MTUS2: variants seen among roughly 807,000 people sequenced by gnomAD.
MTUS2 encodes microtubule associated scaffold protein 2.
A neutral mutation model predicts 114.1 loss-of-function variants in MTUS2; 40 were observed. The ratio of observed to expected loss-of-function variants is 0.35; its 90% CI spans 0.27 to 0.46. The LOEUF (loss-of-function observed/expected upper bound fraction) is 0.46. MTUS2 is among the 20% of genes least tolerant of loss of function. The pLI is 1.00. For missense variants in MTUS2, 1,679 were observed against 1,705.4 expected (o/e 0.98, Z 0.27); for synonymous variants, 688 against 672.0 (o/e 1.02, Z -0.37).
intron 8 of MTUS2, among the ~76,000 whole-genome samples, chr13:29,359,804 G>A (rs1176166199): frequency 6.6e-6 from 1 of 152,176 alleles, no homozygotes; most frequent in Non-Finnish European, 1.5e-5. Context: ...GTGGTAGTTT[G>A]CATTTTCGAG....
intron 8 of MTUS2, among the ~76,000 whole-genome samples, chr13:29,423,473 G>T (rs9579372): frequency 0.39 from 59,411 of 152,070 alleles, 12,169 homozygotes; most frequent in African/African-American, 0.5. Context: ...GAAGGTAGAC[G>T]AGTGAGTTGT....
rs141823378 is a variant in MTUS2, at chr13:29,214,383, T to C, written c.2645-67321T>C. On this transcript the variant is annotated intron_variant, in intron 5 of 15. Transcript: ENST00000612955. ...CATTTGCAGTTAATTTTGTTATGTGTGAATTAATCCTGTCATCATGATGCT... is the reference window on the plus strand; with the variant it reads ...CATTTGCAGTTAATTTTGTTATGTGCGAATTAATCCTGTCATCATGATGCT... 1.8e-3 allele frequency among the ~76,000 whole-genome samples: 272 copies of C among 152,360 alleles called. 1 individual carries two copies. Among genetic ancestry groups the C allele is most frequent in the African/African-American group, 6.3e-3 (262 of 41,588 alleles).
chr13:29,287,060 C>A (rs372226369), intron 6 of MTUS2, among the ~76,000 whole-genome samples: 1 of 152,204 alleles, frequency 6.6e-6, no homozygotes, highest in Non-Finnish European at 1.5e-5. Context: ...ATTTGGTTCT[C>A]ACAAAGACCC....
intron 9 of MTUS2, among the ~76,000 whole-genome samples, chr13:29,459,483 C>T (rs540092279): frequency 8.5e-5 from 13 of 152,220 alleles, no homozygotes; most frequent in African/African-American, 3.1e-4. Context: ...CTAGTCCTTA[C>T]CCCTACCCTT....
Position 29,025,637 on chromosome 13 carries a change from A to G in MTUS2, c.939A>G (p.Lys313=). The change falls in exon 3 of 16, where the codon AAA becomes AAG. Residue 313 remains lysine (K), a synonymous_variant. Transcript: ENST00000612955. ...QGKGEAKLDL[K]YVPPRRVEQE... is the part of the protein sequence containing the mutation. ...AGGGAGAGGCCAAGCTGGATCTGAA[A>G]TATGTTCCTCCCAGGAGAGTTGAAC... The G allele has an allele frequency of 6.2e-7, 1 of 1,614,068 alleles. No homozygotes were observed. Among genetic ancestry groups the G allele is most frequent in the Non-Finnish European group, 8.5e-7 (1 of 1,179,902 alleles).
chr13:29,159,758 G>A lies in MTUS2; in HGVS notation c.2644+58788G>A, dbSNP rs533431165. 7.4e-4 allele frequency among the ~76,000 whole-genome samples: 112 copies of A among 152,240 alleles called. 1 individual carries two copies. Among genetic ancestry groups the A allele is most frequent in the African/African-American group, 5.1e-4 (21 of 41,538 alleles). Reference sequence around the variant, plus strand: ...ATACAGATGTTCAACATCATTAGCCGTTTGGGAAATGCAAATTAAAACAAC... The same window carrying A: ...ATACAGATGTTCAACATCATTAGCCATTTGGGAAATGCAAATTAAAACAAC... On this transcript the variant is annotated intron_variant, in intron 5 of 15. Transcript: ENST00000612955.
At chr13:29,115,176 C>T (rs996410977) in intron 5 of MTUS2, among the ~76,000 whole-genome samples, 33 of 151,452 alleles carry the variant, frequency 2.2e-4, no homozygotes, top group African/African-American at 7.5e-4. Context: ...CCCATTAATG[C>T]GATAACTGCC....
chr13:29,030,473 C>G (rs922991433), intron 3 of MTUS2, among the ~76,000 whole-genome samples: 4 of 152,194 alleles, frequency 2.6e-5, no homozygotes, highest in African/African-American at 9.7e-5. Flanking sequence ...GCGCTGGGCT[C>G]ATTTCTGTGG....
chr13:29,327,319 A>G (rs1233530956), intron 7 of MTUS2, among the ~76,000 whole-genome samples: 3 of 152,168 alleles, frequency 2.0e-5, no homozygotes, highest in Non-Finnish European at 4.4e-5. Context: ...CTGTGAAACC[A>G]TCATCCCATG....
intron 4 of MTUS2, among the ~76,000 whole-genome samples, chr13:29,079,802 C>T (rs945003758): frequency 1.1e-4 from 16 of 152,148 alleles, no homozygotes; most frequent in African/African-American, 3.6e-4. Context: ...TGTAGCTTTA[C>T]ACTAAGCTTT....
intron 2 of MTUS2, among the ~76,000 whole-genome samples, chr13:28,870,339 GATATTAT>G (rs1877547106): frequency 6.6e-6 from 1 of 152,128 alleles, no homozygotes; most frequent in South Asian, 2.1e-4. Context: ...CAACAATCTT[GATATTAT>G]ATTCATTATC....
intron 6 of MTUS2, chr13:29,307,849 GACACTTAGTCCCCCTCC>G (rs1173609187): frequency 1.5e-5 from 10 of 668,534 alleles, no homozygotes; most frequent in Non-Finnish European, 1.4e-5. Context: ...ACTGCTGGGG[GACACTTAGTCCCCCTCC>G]ACACTGAGAA....
In MTUS2 at chr13:29,406,493, A is replaced by G. The variant is rs1270387891; in HGVS notation, c.3118-33490A>G. 4.6e-5 allele frequency among the ~76,000 whole-genome samples: 7 copies of G among 152,122 alleles called. No homozygotes were observed. The East Asian group carries it at 1.4e-3, about 29-fold the overall frequency. ...AGGGGCTTTCCCTAGGGCTTCCCTCACCCCCACTGTACCCCCAGCAACAGA... is the reference window on the plus strand; with the variant it reads ...AGGGGCTTTCCCTAGGGCTTCCCTCGCCCCCACTGTACCCCCAGCAACAGA... On this transcript the variant is annotated intron_variant, in intron 8 of 15. Coordinates refer to ENST00000612955, the MANE Select transcript of MTUS2 (RefSeq NM_001033602.4).
intron 9 of MTUS2, among the ~76,000 whole-genome samples, chr13:29,450,720 A>G (rs978656639): frequency 1.3e-5 from 2 of 152,182 alleles, no homozygotes; most frequent in Non-Finnish European, 2.9e-5. Flanking sequence ...AAAGACACAA[A>G]TAAGTTAACA....
At chr13:28,882,658 GC>G (rs1452125311) in intron 2 of MTUS2, among the ~76,000 whole-genome samples, 1 of 152,122 alleles carries the variant, frequency 6.6e-6, no homozygotes, top group Non-Finnish European at 1.5e-5. Context: ...GCTCACTTGA[GC>G]CCAGGAGTTT....
At chr13:29,484,544 G>A (rs1335476491) in intron 10 of MTUS2, among the ~76,000 whole-genome samples, 12 of 152,218 alleles carry the variant, frequency 7.9e-5, no homozygotes, top group Admixed American at 7.9e-4. Flanking sequence ...CAGCAGACTG[G>A]GAGCTCTGGC....
At chr13:29,130,563 C>T (rs1025796485) in intron 5 of MTUS2, among the ~76,000 whole-genome samples, 2 of 152,168 alleles carry the variant, frequency 1.3e-5, no homozygotes, top group Non-Finnish European at 2.9e-5. Flanking sequence ...TTTTTTCTTG[C>T]ACTTTTCACC....
intron 2 of MTUS2, among the ~76,000 whole-genome samples, chr13:28,945,019 ACT>A (rs1300919979): frequency 2.0e-5 from 3 of 151,820 alleles, no homozygotes; most frequent in African/African-American, 7.3e-5. Flanking sequence ...ATCATTCCAC[ACT>A]CTGTGTCCAT....
At chr13:29,475,980 G>A (rs1386942105) in intron 9 of MTUS2, among the ~76,000 whole-genome samples, 3 of 152,178 alleles carry the variant, frequency 2.0e-5, no homozygotes, top group Non-Finnish European at 4.4e-5. Context: ...ACCCAGAGGA[G>A]CCTCCAGTCC....
Sources: gnomAD v4.1 joint callset for allele counts (sites outside exome capture counted in the v4.1 genomes callset) on GRCh38, gnomAD v4.1.1 for gene constraint, MANE v1.5 for transcripts, NCBI Gene and HGNC (gene_info 2026-07-23, HGNC 2026-07-21) for gene names.